Variants in TPM3 observed in about 807,000 individuals in gnomAD.
TPM3 encodes tropomyosin alpha-3 chain.
In TPM3, 16 loss-of-function variants were observed where a neutral mutation model predicts 43.1. That is an observed-to-expected ratio of 0.37 (90% CI 0.25 to 0.56). The LOEUF (loss-of-function observed/expected upper bound fraction) is 0.56. Among genes scored for constraint, TPM3 ranks in the 20% least tolerant of loss-of-function variants. The probability of loss-of-function intolerance (pLI) is 0.77; values close to 1 mark genes in which losing one functional copy is unlikely to be tolerated. For missense variants in TPM3, 176 were observed against 337.2 expected, an observed-to-expected ratio of 0.52 and a Z score of 3.74; for synonymous variants, 101 against 116.9, an observed-to-expected ratio of 0.86 and a Z score of 0.88.
Position 154,169,330 on chromosome 1 carries a change from G to T in TPM3, c.829C>A (p.His277Asn), listed in dbSNP as rs747794605. Residue 277 changes from histidine to asparagine, a missense_variant, in exon 9 of 10, where the codon CAC (histidine) becomes AAC (asparagine). His to Asn is a moderately conservative substitution (Grantham distance 68). This residue lies in a region of TPM3 where 26 missense variants were observed against 21.8 expected (regional missense o/e 1.19). Coordinates refer to ENST00000651641, the MANE Select transcript of TPM3 (RefSeq NM_152263.4). Reference sequence around the variant, plus strand: ...ATAGAGGTCATGTCATTGAGGGCGTGGTCCAGCTCCTCGCTAATGGCCTTG... The same window carrying T: ...ATAGAGGTCATGTCATTGAGGGCGTTGTCCAGCTCCTCGCTAATGGCCTTG... ...KYKAISEELDHALNDMTSI is the reference protein window; with the variant it reads ...KYKAISEELDNALNDMTSI 2 of 1,614,178 alleles carry T rather than the reference G, an allele frequency of 1.2e-6. No individual in the cohort carries two copies. The highest frequency in any genetic ancestry group is 3.3e-5 in the Admixed American group (2 of 60,020).
At chr1:154,187,175 G>T in intron 2 of TPM3, 2 of 335,246 alleles carry the variant, frequency 6.0e-6, no homozygotes, top group Non-Finnish European at 8.4e-6. Flanking sequence ...GACCCTTTGA[G>T]GCAGGGGTCA....
At chr1:154,179,881 G>C (rs1260893126) in intron 2 of TPM3, among the ~76,000 whole-genome samples, 6 of 151,942 alleles carry the variant, frequency 3.9e-5, no homozygotes, top group African/African-American at 7.3e-5. Flanking sequence ...AAGTTTTTTA[G>C]ACTAGAAAAA....
At chr1:154,171,183 G>A (rs1035971992) in intron 6 of TPM3, 3 of 620,334 alleles carry the variant, frequency 4.8e-6, no homozygotes, top group East Asian at 2.7e-5. Context: ...AGCAGTATCA[G>A]CCTAAGGAGC....
intron 2 of TPM3, among the ~76,000 whole-genome samples, chr1:154,177,534 A>G (rs1234798995): frequency 6.6e-6 from 1 of 152,108 alleles, no homozygotes; most frequent in African/African-American, 2.4e-5. Context: ...CCTCCCCGCT[A>G]CCTTTACTGG....
chr1:154,174,403 T>TACATATATATATATATATAC (rs1397064423), intron 3 of TPM3, among the ~76,000 whole-genome samples: 3 of 102,146 alleles, frequency 2.9e-5, no homozygotes, highest in Non-Finnish European at 5.6e-5. Context: ...TATATATATA[T>TACATATATATATATATATAC]ATATACACAC....
chr1:154,183,138 G>C, intron 2 of TPM3: 2 of 1,597,854 alleles, frequency 1.3e-6, no homozygotes, highest in Non-Finnish European at 1.7e-6. Flanking sequence ...CCCAGCTACT[G>C]CTCGCGCTCC....
chr1:154,174,366 G>T (rs867955539), intron 3 of TPM3, among the ~76,000 whole-genome samples: 2 of 14,976 alleles, frequency 1.3e-4, no homozygotes, highest in African/African-American at 1.7e-4. Context: ...TTAAATATAT[G>T]TGTATATATA....
chr1:154,191,295 GCCAGCTCAT>G lies in TPM3; in HGVS notation c.125_133del (p.Asp42_Leu44del), dbSNP rs1284869391. 1 of 1,613,932 alleles carries G rather than the reference GCCAGCTCAT, an allele frequency of 6.2e-7. No homozygotes were observed. The highest frequency in any genetic ancestry group is 1.3e-5 in the African/African-American group (1 of 74,922). On this transcript the variant is annotated inframe_deletion, in exon 2 of 10. Coordinates refer to ENST00000651641, the MANE Select transcript of TPM3 (RefSeq NM_152263.4). ...CCCTTTCAGCTTCTTCTGCATGGCT[GCCAGCTCAT>G]CCTCCAGCTATAGGAGCCCAGAGAG...
At chr1:154,160,525 T>G (rs1392763413), downstream of TPM3, among the ~76,000 whole-genome samples, 1 of 152,156 alleles carries the variant, frequency 6.6e-6, no homozygotes, top group Non-Finnish European at 1.5e-5. Context: ...AGAATCAGGG[T>G]GAACCTTTAA....
At chr1:154,185,802 A>G (rs533941328) in intron 2 of TPM3, among the ~76,000 whole-genome samples, 1 of 151,566 alleles carries the variant, frequency 6.6e-6, no homozygotes, top group East Asian at 1.9e-4. Flanking sequence ...AAGAGACTTG[A>G]GAACGTTATC....
chr1:154,191,448 C>A lies in TPM3; in HGVS notation c.118-137G>T, dbSNP rs1368042496. The A allele has an allele frequency of 4.1e-6, 6 of 1,470,742 alleles. 1 individual carries two copies. The highest frequency in any genetic ancestry group is 2.8e-6 in the Non-Finnish European group (3 of 1,083,100). The allele number at this position is 1,470,742 out of a possible 1,614,324, so 91.1% of individuals were successfully genotyped here. A position where few individuals can be genotyped will look rare whatever the true frequency, so the allele number is the denominator to read the frequency against. On this transcript the variant is annotated intron_variant, in intron 1 of 9. Coordinates refer to ENST00000651641, the MANE Select transcript of TPM3 (RefSeq NM_152263.4). ...GACACACTTTCTCCCCAGCCACTTC[C>A]AGCCCACTGCCTCAGGAGTTATGCC...
rs184364430 is a variant in TPM3 at position 154,167,509 on chromosome 1, G to T, written c.*428C>A. On this transcript the variant is annotated 3_prime_UTR_variant, in exon 10 of 10. Coordinates refer to ENST00000651641, the MANE Select transcript of TPM3 (RefSeq NM_152263.4). ...TAAGGAATTTAATCTTGTTCAGCTT[G>T]AGGAGTATAACTAAAATTACTATCC... 75 of 1,090,150 alleles carry T rather than the reference G, an allele frequency of 6.9e-5. No individual in the cohort carries two copies. In the African/African-American group the frequency reaches 1.0e-3, roughly 15 times the overall value. The allele number at this position is 1,090,150 out of a possible 1,614,324, so 67.5% of individuals were successfully genotyped here.
intron 5 of TPM3, 22 bp from the exon 6 acceptor site, chr1:154,171,510 C>T (rs374014672): frequency 6.2e-7 from 1 of 1,612,530 alleles, no homozygotes; most frequent in Non-Finnish European, 8.5e-7. Flanking sequence ...TTAAATACCA[C>T]AGGAGAGGAA....
intron 2 of TPM3, among the ~76,000 whole-genome samples, chr1:154,190,570 C>G (rs1455624635): frequency 6.6e-6 from 1 of 152,140 alleles, no homozygotes; most frequent in Admixed American, 6.5e-5. Flanking sequence ...ACCTTTACCC[C>G]CTAAGATTCT....
At chr1:154,157,572 C>A (rs1051229), downstream of TPM3, 1 of 768,602 alleles carries the variant, frequency 1.3e-6, no homozygotes, top group Non-Finnish European at 2.4e-6. Flanking sequence ...GTCAGCTTCC[C>A]GCAGGCTGGC....
intron 2 of TPM3, among the ~76,000 whole-genome samples, chr1:154,184,230 G>A (rs1052744554): frequency 6.6e-6 from 1 of 151,904 alleles, no homozygotes; most frequent in African/African-American, 2.4e-5. Context: ...GTAGAGACGG[G>A]GTTTCACCGT....
chr1:154,186,159 CTCTTA>C (rs1398680348), intron 2 of TPM3, among the ~76,000 whole-genome samples: 1 of 151,652 alleles, frequency 6.6e-6, no homozygotes, highest in Non-Finnish European at 1.5e-5. Flanking sequence ...AGGGTTCTGA[CTCTTA>C]ATAGACTCTA....
intron 2 of TPM3, among the ~76,000 whole-genome samples, chr1:154,182,780 G>A (rs1663107803): frequency 6.6e-6 from 1 of 152,050 alleles, no homozygotes; most frequent in African/African-American, 2.4e-5. Context: ...TTTCTTCAAA[G>A]GTCAAGCCTG....
At chr1:154,190,385 ACT>A (rs1663629173) in intron 2 of TPM3, among the ~76,000 whole-genome samples, 1 of 152,088 alleles carries the variant, frequency 6.6e-6, no homozygotes, top group Admixed American at 6.6e-5. Flanking sequence ...TTTTCAATCT[ACT>A]CTCTCATTTA....
Sources: gnomAD v4.1 joint callset for allele counts (sites outside exome capture counted in the v4.1 genomes callset) on GRCh38, gnomAD v4.1.1 for gene constraint, gnomAD v4.1.1 regional missense constraint, MANE v1.5 for transcripts, NCBI Gene and HGNC (gene_info 2026-07-23, HGNC 2026-07-21) for gene names.